Variants in ANO1 observed in about 807,000 individuals in gnomAD.
The protein encoded by ANO1 is anoctamin-1.
In ANO1, 59 loss-of-function variants were observed where a neutral mutation model predicts 124.0. The ratio of observed to expected loss-of-function variants is 0.48; its 90% CI spans 0.39 to 0.59. ANO1 has a LOEUF of 0.59. Ranked by LOEUF, ANO1 falls within the 20% of genes least tolerant of loss-of-function variation. The pLI, the probability that ANO1 is intolerant of heterozygous loss-of-function variation, is 0.00. For missense variants in ANO1, 1,059 were observed against 1,328.0 expected (o/e 0.80, Z 3.15); for synonymous variants, 529 against 532.0 (o/e 0.99, Z 0.08).
At chr11:70,181,580 T>C (rs2048930985) in intron 23 of ANO1, among the ~76,000 whole-genome samples, 1 of 152,174 alleles carries the variant, frequency 6.6e-6, no homozygotes, top group African/African-American at 2.4e-5. Context: ...CAAGCGGCGC[T>C]GTGAGCAGCT....
intron 2 of ANO1, among the ~76,000 whole-genome samples, chr11:70,088,780 G>A (rs1392485603): frequency 6.6e-6 from 1 of 152,164 alleles, no homozygotes; most frequent in Non-Finnish European, 1.5e-5. Flanking sequence ...GGATGGGGTC[G>A]GCCCTTCTCT....
chr11:70,107,490 C>T (rs144524790), intron 5 of ANO1, among the ~76,000 whole-genome samples: 17,250 of 65,090 alleles, frequency 0.27, 4,037 homozygotes, highest in East Asian at 0.38. Context: ...CCAGTGGAGG[C>T]GGCGGGGCGG....
chr11:70,181,687 G>A (rs1285602201), intron 23 of ANO1, among the ~76,000 whole-genome samples: 1 of 152,140 alleles, frequency 6.6e-6, no homozygotes, highest in African/African-American at 2.4e-5. Context: ...AGCACTTTGG[G>A]AGGCCAAGGC....
chr11:70,171,195 A>C (rs1192475396), intron 22 of ANO1, among the ~76,000 whole-genome samples, 156 bp downstream of exon 22: 1 of 152,168 alleles, frequency 6.6e-6, no homozygotes, highest in African/African-American at 2.4e-5. Flanking sequence ...GGGGCAGGTG[A>C]CACAAGATGT....
At chr11:70,024,240 C>T (rs576251952) in intron 1 of ANO1, among the ~76,000 whole-genome samples, 1 of 152,180 alleles carries the variant, frequency 6.6e-6, no homozygotes, top group Non-Finnish European at 1.5e-5. Context: ...TTGACCCTCC[C>T]TAAATGAGTC....
intron 1 of ANO1, among the ~76,000 whole-genome samples, chr11:70,002,795 T>C (rs782459955): frequency 1.6e-4 from 25 of 152,166 alleles, no homozygotes; most frequent in Admixed American, 5.9e-4. Context: ...CCAACAACCA[T>C]TGAGGGTAAA....
intron 2 of ANO1, among the ~76,000 whole-genome samples, chr11:70,095,352 AAGAAAGAAAG>A (rs1433840611): frequency 8.1e-5 from 1 of 12,406 alleles, no homozygotes; most frequent in Admixed American, 8.6e-4. Context: ...AAGAAAAAGA[AAGAAAGAAAG>A]AAAGAAAGAA....
At chr11:70,003,594 G>T (rs1856425294) in intron 1 of ANO1, among the ~76,000 whole-genome samples, 1 of 139,488 alleles carries the variant, frequency 7.2e-6, no homozygotes, top group African/African-American at 2.7e-5. Flanking sequence ...TGGATGGATG[G>T]GTGGATGGAT....
intron 1 of ANO1, among the ~76,000 whole-genome samples, chr11:70,029,607 C>A (rs1268509193): frequency 6.6e-6 from 1 of 152,234 alleles, no homozygotes; most frequent in Non-Finnish European, 1.5e-5. Context: ...CCTCTGAGGG[C>A]GCCCAGGTGC....
At chr11:70,005,531 G>C (rs1856469079) in intron 1 of ANO1, among the ~76,000 whole-genome samples, 3 of 152,228 alleles carry the variant, frequency 2.0e-5, no homozygotes, top group Non-Finnish European at 2.9e-5. Flanking sequence ...AGCCAAACAT[G>C]GCCTCATTGT....
chr11:69,969,714 C>T, the ANO1 span, among the ~76,000 whole-genome samples: 5 of 152,116 alleles, frequency 3.3e-5, no homozygotes, highest in Admixed American at 6.5e-5. Flanking sequence ...TTTGGGAGGC[C>T]GAGGCGGGTG....
Position 70,078,730 on chromosome 11 carries a change from C to G in ANO1, c.108+16C>G. The G allele has an allele frequency of 6.9e-7, 1 of 1,443,466 alleles. No individual in the cohort carries two copies. The highest frequency in any genetic ancestry group is 9.2e-7 in the Non-Finnish European group (1 of 1,081,904). 89.4% of individuals were successfully genotyped at this position (1,443,466 alleles called of 1,614,324 possible). On this transcript the variant is annotated intron_variant, in intron 1 of 25. Transcript: ENST00000355303. ...CGAGGGCACGGTGAGTGCGGGCGGC[C>G]GCGACCCGGGCGGGAGGGCCGCGCA...
At chr11:70,142,511 G>A (rs1015936351) in intron 11 of ANO1, among the ~76,000 whole-genome samples, 5 of 152,186 alleles carry the variant, frequency 3.3e-5, no homozygotes, top group Admixed American at 2.0e-4. Context: ...TCTCGTGCAG[G>A]ACCAGAGCCC....
chr11:70,163,482 CT>C, intron 19 of ANO1, 142 bp downstream of exon 19: 2 of 1,004,946 alleles, frequency 2.0e-6, no homozygotes, highest in Non-Finnish European at 1.5e-6. Context: ...GGAAACTTTT[CT>C]GTTCCCCTGA....
chr11:70,149,198 C>A (rs531611586), intron 11 of ANO1, among the ~76,000 whole-genome samples: 5 of 152,146 alleles, frequency 3.3e-5, no homozygotes, highest in Admixed American at 2.0e-4. Context: ...TGGGTAACCT[C>A]GGTCGGGACT....
chr11:70,010,812 C>T lies in ANO1; in HGVS notation c.58+24646C>T, dbSNP rs75937553. Among the ~76,000 whole-genome samples, 960 of 152,330 alleles carry T rather than the reference C, an allele frequency of 6.3e-3. 10 individuals carry two copies. Among genetic ancestry groups the T allele is most frequent in the African/African-American group, 0.022 (907 of 41,572 alleles). On this transcript the variant is annotated intron_variant, in intron 1 of 27. Coordinates refer to the ANO1 transcript ENST00000531349. ...GCACAGCCCATCTCACTTGGCACAG[C>T]CTCAGAGATGCCTTCCTCAACCTCC...
intron 24 of ANO1, among the ~76,000 whole-genome samples, chr11:70,183,332 C>T (rs1332319283): frequency 6.6e-6 from 1 of 152,214 alleles, no homozygotes; most frequent in Non-Finnish European, 1.5e-5. Flanking sequence ...ATCCTTTCTG[C>T]TCTGCAGCCC....
At chr11:69,999,623 C>T (rs550012236) in intron 1 of ANO1, among the ~76,000 whole-genome samples, 2 of 152,296 alleles carry the variant, frequency 1.3e-5, no homozygotes, top group South Asian at 2.1e-4. Context: ...CCTCCTCACC[C>T]GCTAACATAA....
intron 2 of ANO1, among the ~76,000 whole-genome samples, chr11:70,101,422 G>A (rs780025164): frequency 9.9e-5 from 15 of 151,854 alleles, no homozygotes; most frequent in Non-Finnish European, 1.8e-4. Flanking sequence ...TAGGCGTGGT[G>A]GTGCATGCCT....
Sources: allele counts gnomAD v4.1 joint callset (sites outside exome capture counted in the v4.1 genomes callset), GRCh38; gene constraint gnomAD v4.1.1; transcripts MANE v1.5; gene names NCBI Gene and HGNC (gene_info 2026-07-23, HGNC 2026-07-21).